IRAK2: variants seen among roughly 807,000 people sequenced by gnomAD.
IRAK2 encodes interleukin 1 receptor associated kinase 2.
Under a neutral mutation model 72.0 loss-of-function variants are expected in IRAK2, and 57 were observed. That is an observed-to-expected ratio of 0.79 (90% CI 0.64 to 0.99). IRAK2 has a LOEUF of 0.99. Ranked by LOEUF, IRAK2 falls within the 50% of genes least tolerant of loss-of-function variation. IRAK2 has a pLI of 0.00. For missense variants in IRAK2, 790 were observed against 794.4 expected (o/e 0.99, Z 0.07); for synonymous variants, 293 against 312.7 (o/e 0.94, Z 0.67).
intron 2 of IRAK2, 46 bp downstream of exon 2, chr3:10,178,066 G>C: frequency 1.3e-6 from 2 of 1,482,506 alleles, no homozygotes; most frequent in Non-Finnish European, 1.8e-6. Context: ...TCACGCTCCT[G>C]AGCAGTTTCC....
At chr3:10,227,223 G>A (rs568018630) in intron 10 of IRAK2, among the ~76,000 whole-genome samples, 2 of 152,080 alleles carry the variant, frequency 1.3e-5, no homozygotes, top group South Asian at 2.1e-4. Flanking sequence ...CAAGGCGGGC[G>A]GATCACTTGA....
At chr3:10,230,447 C>T (rs866883974) in intron 10 of IRAK2, among the ~76,000 whole-genome samples, 23 of 151,974 alleles carry the variant, frequency 1.5e-4, no homozygotes, top group African/African-American at 4.8e-4. Context: ...CTTAGCCTCC[C>T]GGGTAGCTGG....
chr3:10,237,253 C>A (rs142059358), intron 11 of IRAK2, among the ~76,000 whole-genome samples: 12 of 152,212 alleles, frequency 7.9e-5, no homozygotes, highest in African/African-American at 2.4e-4. Context: ...AAGGATGAGA[C>A]GTTTGCCACG....
intron 8 of IRAK2, among the ~76,000 whole-genome samples, chr3:10,220,850 T>C (rs1225928342): frequency 6.6e-6 from 1 of 152,184 alleles, no homozygotes; most frequent in African/African-American, 2.4e-5. Context: ...AGCTGGCCTC[T>C]AGGTTTTGTT....
At chr3:10,186,106 T>C (rs1697071997) in intron 2 of IRAK2, among the ~76,000 whole-genome samples, 1 of 151,568 alleles carries the variant, frequency 6.6e-6, no homozygotes, top group Non-Finnish European at 1.5e-5. Flanking sequence ...ACTGCTCTGA[T>C]ACCTGGTCCT....
intron 9 of IRAK2, among the ~76,000 whole-genome samples, chr3:10,226,060 A>C (rs182665351): frequency 4.6e-4 from 70 of 152,294 alleles, no homozygotes; most frequent in Admixed American, 4.4e-3. Flanking sequence ...GTGTGTGTGT[A>C]TCTATATTTA....
chr3:10,167,813 C>G (rs1026151429), intron 1 of IRAK2, among the ~76,000 whole-genome samples: 5 of 152,122 alleles, frequency 3.3e-5, no homozygotes, highest in African/African-American at 1.2e-4. Flanking sequence ...ACTTTTGGGC[C>G]ATTGTGAATA....
At chr3:10,230,728 C>T (rs1697847339) in intron 10 of IRAK2, among the ~76,000 whole-genome samples, 1 of 152,016 alleles carries the variant, frequency 6.6e-6, no homozygotes, top group Admixed American at 6.6e-5. Flanking sequence ...GCCGCCACTC[C>T]TAGCTAATTT....
intron 11 of IRAK2, among the ~76,000 whole-genome samples, chr3:10,235,697 G>T (rs1697945479): frequency 6.6e-6 from 1 of 152,076 alleles, no homozygotes. Flanking sequence ...GAAAGGGTTT[G>T]GTAGCTGGAA....
intron 2 of IRAK2, among the ~76,000 whole-genome samples, chr3:10,179,587 C>A (rs865869229): frequency 6.6e-6 from 1 of 152,090 alleles, no homozygotes; most frequent in African/African-American, 2.4e-5. Flanking sequence ...ATACCCACCA[C>A]CATGCCCGGC....
intron 2 of IRAK2, 99 bp downstream of exon 2, chr3:10,178,119 CTT>C (rs1375328631): frequency 2.0e-6 from 2 of 1,005,314 alleles, no homozygotes; most frequent in East Asian, 5.2e-5. Context: ...CTTTTTTCCT[CTT>C]TTAATTAAAA....
At chr3:10,176,037 G>T (rs1268044676) in intron 1 of IRAK2, among the ~76,000 whole-genome samples, 1 of 146,050 alleles carries the variant, frequency 6.8e-6, no homozygotes, top group African/African-American at 2.5e-5. Flanking sequence ...GTGAGATGCT[G>T]TGTAACTTTT....
intron 3 of IRAK2, among the ~76,000 whole-genome samples, chr3:10,205,307 C>A (rs1697419298): frequency 6.6e-6 from 1 of 152,168 alleles, no homozygotes; most frequent in Admixed American, 6.5e-5. Flanking sequence ...GAGGGGAGGG[C>A]TGGGTAGGGA....
intron 3 of IRAK2, among the ~76,000 whole-genome samples, chr3:10,201,247 C>A (rs942392446): frequency 1.3e-5 from 2 of 152,200 alleles, no homozygotes; most frequent in Non-Finnish European, 2.9e-5. Flanking sequence ...TAAAGCACAG[C>A]GAGGTTAACC....
intron 1 of IRAK2, among the ~76,000 whole-genome samples, chr3:10,172,837 CA>C (rs533137515): frequency 3.4e-3 from 182 of 53,990 alleles, no homozygotes; most frequent in South Asian, 0.01. Flanking sequence ...GACTCTGTCT[CA>C]AAAAAAAAAA....
chr3:10,165,307 G>A (rs1696664065), intron 1 of IRAK2, among the ~76,000 whole-genome samples: 3 of 152,142 alleles, frequency 2.0e-5, no homozygotes, highest in Non-Finnish European at 2.9e-5. Context: ...GTGGGTACGG[G>A]GGCCCTCCTG....
chr3:10,188,953 G>A (rs1167014282), intron 2 of IRAK2, among the ~76,000 whole-genome samples: 3 of 152,268 alleles, frequency 2.0e-5, no homozygotes, highest in East Asian at 1.9e-4. Context: ...GAGCCACTGC[G>A]CCTGGCCTAA....
At chr3:10,231,135 A>G (rs1264542825) in intron 10 of IRAK2, among the ~76,000 whole-genome samples, 1 of 152,142 alleles carries the variant, frequency 6.6e-6, no homozygotes, top group Non-Finnish European at 1.5e-5. Context: ...AACAGCTTTT[A>G]GGATACTGTT....
At chr3:10,226,524 C>A in intron 10 of IRAK2, 91 bp downstream of exon 10, 1 of 1,056,566 alleles carries the variant, frequency 9.5e-7, no homozygotes, top group Non-Finnish European at 1.4e-6. Context: ...GCTAGTTTTA[C>A]ACATGCAAAT....
Sources: allele counts gnomAD v4.1 joint callset (sites outside exome capture counted in the v4.1 genomes callset), GRCh38; gene constraint gnomAD v4.1.1; transcripts MANE v1.5; gene names NCBI Gene and HGNC (gene_info 2026-07-23, HGNC 2026-07-21).